The following FMN1 variants were observed in gnomAD, a reference collection of about 807,000 sequenced individuals.
The protein encoded by FMN1 is formin-1.
A neutral mutation model predicts 132.4 loss-of-function variants in FMN1; 110 were observed. The ratio of observed to expected loss-of-function variants is 0.83; its 90% CI spans 0.71 to 0.97. The LOEUF (loss-of-function observed/expected upper bound fraction) is 0.97. FMN1 is among the 50% of genes least tolerant of loss of function. The pLI, the probability that FMN1 is intolerant of heterozygous loss-of-function variation, is 0.00. For synonymous variants in FMN1, 722 were observed against 651.7 expected (o/e 1.11, Z -1.64); for missense variants, 1,792 against 1,705.3 (o/e 1.05, Z -0.90).
At chr15:33,112,831 G>C (rs1239988122) in intron 4 of FMN1, among the ~76,000 whole-genome samples, 3 of 152,134 alleles carry the variant, frequency 2.0e-5, no homozygotes, top group African/African-American at 7.2e-5. Context: ...AAGGGCATTT[G>C]CAGCAGAGTT....
intron 6 of FMN1, among the ~76,000 whole-genome samples, chr15:33,038,455 A>T (rs1467740571): frequency 6.6e-6 from 1 of 152,122 alleles, no homozygotes; most frequent in Non-Finnish European, 1.5e-5. Flanking sequence ...ACACAGTTTT[A>T]TGCTTGAATA....
rs1306287726 is a variant in FMN1 at position 32,773,598 on chromosome 15, T to G, written c.*712A>C. On this transcript the variant is annotated 3_prime_UTR_variant, in exon 21 of 21. Coordinates refer to ENST00000616417, the MANE Select transcript of FMN1 (RefSeq NM_001277313.2). ...CAAAGGACCGATGTAAAAACAAGAA[T>G]GGGCCTCACTTAACAACTGATGTCA... 6.6e-6 allele frequency: 1 copy of G among 152,116 alleles called. No individual in the cohort carries two copies. The highest frequency in any genetic ancestry group is 6.6e-5 in the Admixed American group (1 of 15,266). The allele number at this position is 152,116 out of a possible 1,614,324, so 9.4% of individuals were successfully genotyped here.
At chr15:32,780,427 A>AT (rs1340422328) in intron 19 of FMN1, among the ~76,000 whole-genome samples, 2 of 152,236 alleles carry the variant, frequency 1.3e-5, no homozygotes, top group Non-Finnish European at 2.9e-5. Flanking sequence ...TGTCATGGCA[A>AT]TAGTCAGGAA....
chr15:32,866,500 G>A (rs930933431), intron 16 of FMN1, among the ~76,000 whole-genome samples: 6 of 152,136 alleles, frequency 3.9e-5, no homozygotes, highest in Non-Finnish European at 5.9e-5. Context: ...CATACTGTAC[G>A]CGGCTTTATT....
At chr15:32,813,429 T>TC (rs1315607953) in intron 17 of FMN1, among the ~76,000 whole-genome samples, 1 of 152,154 alleles carries the variant, frequency 6.6e-6, no homozygotes, top group East Asian at 1.9e-4. Context: ...ACTTTTTTTT[T>TC]CCCAATATAT....
At chr15:33,012,985 G>A (rs772771955) in intron 6 of FMN1, 2 of 449,362 alleles carry the variant, frequency 4.5e-6, no homozygotes, top group South Asian at 3.4e-5. Flanking sequence ...TTCCTATGAT[G>A]GTGGAAGCCA....
chr15:33,039,127 A>G (rs962248091), intron 6 of FMN1, among the ~76,000 whole-genome samples: 5 of 152,238 alleles, frequency 3.3e-5, no homozygotes, highest in Non-Finnish European at 5.9e-5. Flanking sequence ...TAAAAATTCA[A>G]TAAAAGAGCT....
intron 5 of FMN1, among the ~76,000 whole-genome samples, chr15:33,075,540 C>A (rs1431800929): frequency 2.6e-5 from 4 of 152,158 alleles, no homozygotes; most frequent in Non-Finnish European, 5.9e-5. Flanking sequence ...TTGGATTCTT[C>A]CATCTGTGTC....
chr15:32,969,419 C>T lies in FMN1; in HGVS notation c.2282G>A (p.Arg761Lys), dbSNP rs1297019394. The stretch of plus-strand genomic sequence containing the variant: ...CAGATTTTCAATGGTTTCTTCTAGT[C>T]TCGCTGTTATCATTGCATGCTCGCC... ...IRGEHAMITA[R>K]LEETIENLKH... The change falls in exon 8 of 21, where the codon AGA becomes AAA. Residue 761 changes from arginine (R) to lysine (K), a missense_variant. By Grantham distance (26) the Arg-to-Lys change is conservative. Transcript: ENST00000616417. 6 of 1,613,980 alleles carry T rather than the reference C, an allele frequency of 3.7e-6. No homozygotes were observed. Among genetic ancestry groups the T allele is most frequent in the Non-Finnish European group, 5.1e-6 (6 of 1,179,894 alleles).
chr15:33,109,086 C>T (rs1007471256), intron 4 of FMN1, among the ~76,000 whole-genome samples: 1 of 152,054 alleles, frequency 6.6e-6, no homozygotes, highest in African/African-American at 2.4e-5. Flanking sequence ...TTTCTTCTCC[C>T]AAAAGCAAGG....
At chr15:33,015,497 T>C (rs1375788085) in intron 6 of FMN1, among the ~76,000 whole-genome samples, 1 of 152,146 alleles carries the variant, frequency 6.6e-6, no homozygotes, top group Non-Finnish European at 1.5e-5. Context: ...CTTACACATA[T>C]ATCCAAGCCT....
intron 3 of FMN1, among the ~76,000 whole-genome samples, chr15:33,177,778 A>G (rs955988504): frequency 3.3e-5 from 5 of 152,140 alleles, no homozygotes; most frequent in African/African-American, 1.2e-4. Context: ...GCTGAAGCGC[A>G]TGGATCACAT....
At chr15:33,160,096 G>C (rs1023357564) in intron 3 of FMN1, among the ~76,000 whole-genome samples, 2 of 152,128 alleles carry the variant, frequency 1.3e-5, no homozygotes, top group Non-Finnish European at 2.9e-5. Context: ...ATCTTAGAAA[G>C]TGACCCATAA....
intron 16 of FMN1, among the ~76,000 whole-genome samples, chr15:32,869,466 T>C (rs1170055369): frequency 2.0e-5 from 3 of 152,090 alleles, no homozygotes; most frequent in Non-Finnish European, 1.5e-5. Flanking sequence ...AGGTGGAAAA[T>C]CAAAGGTGTT....
At chr15:32,960,894 C>G (rs1433805067) in intron 9 of FMN1, among the ~76,000 whole-genome samples, 2 of 144,834 alleles carry the variant, frequency 1.4e-5, no homozygotes, top group Non-Finnish European at 3.0e-5. Context: ...ACTCGGGAGG[C>G]TGAAGCAGGA....
In FMN1 at chr15:32,831,200, T is replaced by C. The variant is rs531270930; in HGVS notation, c.3928+25815A>G. ...ATCAAACTTGGCTGAGAGTATTAAATAAATGTTAGCTAATATTATTTTTAC... is the reference window on the plus strand; with the variant it reads ...ATCAAACTTGGCTGAGAGTATTAAACAAATGTTAGCTAATATTATTTTTAC... On this transcript the variant is annotated intron_variant, in intron 17 of 20. Transcript: ENST00000616417. Among the ~76,000 whole-genome samples, 65 of 152,202 alleles carry C rather than the reference T, an allele frequency of 4.3e-4. No homozygotes were observed. In the South Asian group the frequency reaches 0.012, roughly 29 times the overall value.
chr15:32,912,887 G>T (rs971784864), intron 10 of FMN1, among the ~76,000 whole-genome samples: 4 of 152,140 alleles, frequency 2.6e-5, no homozygotes, highest in Non-Finnish European at 4.4e-5. Flanking sequence ...TAAGATATAT[G>T]CTTAGCATAG....
In FMN1 at chr15:33,067,007, T is replaced by C. The variant is rs201223839; in HGVS notation, c.2044-1933A>G. The C allele has an allele frequency of 9.1e-4, 1,464 of 1,613,948 alleles. 8 individuals carry two copies. The highest frequency in any genetic ancestry group is 7.4e-3 in the Middle Eastern group (45 of 6,062). ...CTTTGGTTTAATTTCCGTGATGGTCTCTCCTCCCTCAGCGGTAGCCCCCTT... is the reference window on the plus strand; with the variant it reads ...CTTTGGTTTAATTTCCGTGATGGTCCCTCCTCCCTCAGCGGTAGCCCCCTT... On this transcript the variant is annotated intron_variant, in intron 5 of 20. Coordinates refer to ENST00000616417, the MANE Select transcript of FMN1 (RefSeq NM_001277313.2).
At chr15:33,056,540 T>C (rs1341299834) in intron 6 of FMN1, among the ~76,000 whole-genome samples, 1 of 152,228 alleles carries the variant, frequency 6.6e-6, no homozygotes, top group East Asian at 1.9e-4. Flanking sequence ...CAAAACTCAG[T>C]GACTGCCACA....
Sources: gnomAD v4.1 joint callset for allele counts (sites outside exome capture counted in the v4.1 genomes callset) on GRCh38, gnomAD v4.1.1 for gene constraint, MANE v1.5 for transcripts, NCBI Gene and HGNC (gene_info 2026-07-23, HGNC 2026-07-21) for gene names.